The following CCDC3 variants were observed in gnomAD, a reference collection of about 807,000 sequenced individuals.
CCDC3 encodes coiled-coil domain-containing protein 3.
A neutral mutation model predicts 21.4 loss-of-function variants in CCDC3; 24 were observed. The observed-to-expected ratio is 1.12, with a 90% CI of 0.81 to 1.58. CCDC3 has a LOEUF of 1.58. CCDC3 is among the 40% of genes most tolerant of loss of function. CCDC3 has a pLI of 0.00. For missense variants in CCDC3, 425 were observed against 360.9 expected, an observed-to-expected ratio of 1.18 and a Z score of -1.44; for synonymous variants, 186 against 166.0, an observed-to-expected ratio of 1.12 and a Z score of -0.93.
intron 4 of CCDC3, among the ~76,000 whole-genome samples, chr10:13,064,146 G>C (rs919660327): frequency 6.6e-6 from 1 of 152,024 alleles, no homozygotes; most frequent in African/African-American, 2.4e-5. Flanking sequence ...GGTTGGTCTC[G>C]ATCTCCTGAC....
intron 3 of CCDC3, among the ~76,000 whole-genome samples, chr10:13,075,434 CGTTT>C (rs1023316635): frequency 3.1e-5 from 3 of 96,548 alleles, no homozygotes; most frequent in South Asian, 3.2e-4. Flanking sequence ...TCATCAGACA[CGTTT>C]GTTTTTTTGT....
chr10:13,048,437 C>T (rs1358777683), intron 5 of CCDC3, among the ~76,000 whole-genome samples: 1 of 152,050 alleles, frequency 6.6e-6, no homozygotes, highest in Non-Finnish European at 1.5e-5. Context: ...TGTGATCTGC[C>T]CACCTCGGCC....
intron 2 of CCDC3, among the ~76,000 whole-genome samples, chr10:12,970,391 T>C (rs1332170817): frequency 6.6e-6 from 1 of 152,142 alleles, no homozygotes; most frequent in Non-Finnish European, 1.5e-5. Flanking sequence ...CATCGTAAGT[T>C]GAGGTACATC....
chr10:12,928,357 A>G (rs1211677389), intron 2 of CCDC3, among the ~76,000 whole-genome samples: 1 of 152,262 alleles, frequency 6.6e-6, no homozygotes, highest in Non-Finnish European at 1.5e-5. Flanking sequence ...AAAAGGAAAG[A>G]GAAAGCATGA....
At chr10:12,898,781 G>A in intron 2 of CCDC3, 102 bp from the exon 3 acceptor site, 1 of 1,374,462 alleles carries the variant, frequency 7.3e-7, no homozygotes. Flanking sequence ...CAGCAACACA[G>A]ACCCCGATTC....
At chr10:12,929,959 A>C (rs921923271) in intron 2 of CCDC3, among the ~76,000 whole-genome samples, 1 of 152,226 alleles carries the variant, frequency 6.6e-6, no homozygotes, top group African/African-American at 2.4e-5. Context: ...AACTAGAAAA[A>C]AATTTCTGTT....
chr10:12,969,590 A>G (rs1052415354), intron 2 of CCDC3, among the ~76,000 whole-genome samples: 1 of 151,446 alleles, frequency 6.6e-6, no homozygotes, highest in Admixed American at 6.6e-5. Flanking sequence ...AAAGAAGCCA[A>G]CCTAAGTGTT....
At chr10:12,995,936 C>G (rs1835755850) in intron 2 of CCDC3, among the ~76,000 whole-genome samples, 1 of 152,022 alleles carries the variant, frequency 6.6e-6, no homozygotes, top group Admixed American at 6.5e-5. Flanking sequence ...AGATTGTGAC[C>G]ATAGTGCTAA....
intron 5 of CCDC3, among the ~76,000 whole-genome samples, chr10:13,017,415 G>A (rs537696976): frequency 6.6e-6 from 1 of 151,234 alleles, no homozygotes; most frequent in East Asian, 1.9e-4. Context: ...TACTTGGGAG[G>A]CTGAGGCAGG....
intron 2 of CCDC3, among the ~76,000 whole-genome samples, chr10:12,968,411 G>A (rs1160112160): frequency 6.6e-6 from 1 of 152,164 alleles, no homozygotes; most frequent in African/African-American, 2.4e-5. Context: ...TTCAGAAATG[G>A]AGAGAAAGAC....
intron 2 of CCDC3, among the ~76,000 whole-genome samples, chr10:12,973,484 CT>C (rs1047549025): frequency 3.3e-5 from 5 of 152,234 alleles, no homozygotes; most frequent in African/African-American, 1.2e-4. Context: ...GGGAATGCCA[CT>C]GGTCCTTGCC....
chr10:13,000,280 A>G (rs1835826458), intron 1 of CCDC3, among the ~76,000 whole-genome samples: 1 of 152,134 alleles, frequency 6.6e-6, no homozygotes, highest in Admixed American at 6.6e-5. Context: ...CCAAATTCCA[A>G]CTGAAGCTAA....
At chr10:12,983,255 C>T (rs913124620) in intron 2 of CCDC3, among the ~76,000 whole-genome samples, 31 of 147,542 alleles carry the variant, frequency 2.1e-4, no homozygotes, top group Non-Finnish European at 3.3e-4. Flanking sequence ...TGTCTCTAAT[C>T]CATCTTAACA....
intron 2 of CCDC3, among the ~76,000 whole-genome samples, chr10:12,990,126 C>G (rs1835659384): frequency 6.6e-6 from 1 of 151,956 alleles, no homozygotes; most frequent in Non-Finnish European, 1.5e-5. Flanking sequence ...GTGGCAGGAT[C>G]CTGTAGTCCC....
At chr10:13,024,626 A>G (rs1380537172) in intron 5 of CCDC3, among the ~76,000 whole-genome samples, 1 of 152,204 alleles carries the variant, frequency 6.6e-6, no homozygotes, top group Non-Finnish European at 1.5e-5. Context: ...AGCAAATTAT[A>G]GCTCCTTTTT....
chr10:12,898,526 C>G lies in CCDC3; in HGVS notation c.703G>C (p.Gly235Arg). 1 of 1,614,160 alleles carries G rather than the reference C, an allele frequency of 6.2e-7. No individual in the cohort carries two copies. The highest frequency in any genetic ancestry group is 1.1e-5 in the South Asian group (1 of 91,090). Reference sequence around the variant, plus strand: ...TGGTTCGCCAGCTCCAGGTGGCGGCCCTTCTTACGCGCCTGCCGCAAGGAC... The same window carrying G: ...TGGTTCGCCAGCTCCAGGTGGCGGCGCTTCTTACGCGCCTGCCGCAAGGAC... ...KRSLRQARKKGRHLELANQKL... is the reference protein window; with the variant it reads ...KRSLRQARKKRRHLELANQKL... The change falls in exon 3 of 3, where the codon GGC becomes CGC. Residue 235 changes from glycine (G) to arginine (R), a missense_variant. By Grantham distance (125) the Gly-to-Arg change is moderately radical. Coordinates refer to ENST00000378825, the MANE Select transcript of CCDC3 (RefSeq NM_031455.4).
chr10:13,025,012 A>G (rs965018475), intron 5 of CCDC3, among the ~76,000 whole-genome samples: 4 of 152,190 alleles, frequency 2.6e-5, no homozygotes, highest in Non-Finnish European at 4.4e-5. Context: ...GTAACAATTT[A>G]TATTTTAGTT....
chr10:12,901,187 C>T (rs1834086824), intron 2 of CCDC3, among the ~76,000 whole-genome samples: 1 of 152,218 alleles, frequency 6.6e-6, no homozygotes, highest in South Asian at 2.1e-4. Flanking sequence ...TCTGCCTCCG[C>T]CTGTTCTTGT....
At chr10:12,932,294 T>A (rs1470745569) in intron 2 of CCDC3, among the ~76,000 whole-genome samples, 1 of 152,228 alleles carries the variant, frequency 6.6e-6, no homozygotes, top group Non-Finnish European at 1.5e-5. Context: ...TTAATACATC[T>A]AACATATTGA....
Sources: gnomAD v4.1 joint callset for allele counts (sites outside exome capture counted in the v4.1 genomes callset) on GRCh38, gnomAD v4.1.1 for gene constraint, MANE v1.5 for transcripts, NCBI Gene and HGNC (gene_info 2026-07-23, HGNC 2026-07-21) for gene names.